Variants in MYT1L observed in about 807,000 individuals in gnomAD.
MYT1L encodes myelin transcription factor 1-like protein.
MYT1L carries 12 observed loss-of-function variants against 126.7 expected under a neutral mutation model. That is an observed-to-expected ratio of 0.09 (90% confidence interval 0.06 to 0.15). The LOEUF is 0.15. Ranked by LOEUF, MYT1L falls within the 10% of genes least tolerant of loss-of-function variation. The pLI, the probability that MYT1L is intolerant of heterozygous loss-of-function variation, is 1.00. For missense variants in MYT1L, 979 were observed against 1,585.2 expected, an observed-to-expected ratio of 0.62 and a Z score of 6.49; for synonymous variants, 541 against 604.2, an observed-to-expected ratio of 0.90 and a Z score of 1.53.
intron 2 of MYT1L, among the ~76,000 whole-genome samples, chr2:2,259,543 A>G (rs2094908191): frequency 6.6e-6 from 1 of 152,214 alleles, no homozygotes; most frequent in Non-Finnish European, 1.5e-5. Context: ...TTTGTCAATT[A>G]TATTTTAAAA....
intron 2 of MYT1L, among the ~76,000 whole-genome samples, chr2:2,176,148 G>A (rs2090743603): frequency 6.6e-6 from 1 of 151,896 alleles, no homozygotes; most frequent in Non-Finnish European, 1.5e-5. Context: ...GTTTTTCAGA[G>A]AAAAGAAAGA....
chr2:2,087,553 T>C (rs1244643710), intron 3 of MYT1L, among the ~76,000 whole-genome samples: 2 of 152,178 alleles, frequency 1.3e-5, no homozygotes, highest in Non-Finnish European at 2.9e-5. Context: ...AACAGAAACA[T>C]CTCATACAGC....
chr2:2,026,813 G>C (rs888608343), intron 4 of MYT1L, among the ~76,000 whole-genome samples: 7 of 152,076 alleles, frequency 4.6e-5, no homozygotes, highest in African/African-American at 1.7e-4. Context: ...GCATAGCCTT[G>C]TGCGGGGCCC....
At chr2:1,853,961 T>G (rs976078568) in intron 18 of MYT1L, among the ~76,000 whole-genome samples, 10 of 152,240 alleles carry the variant, frequency 6.6e-5, no homozygotes, top group Non-Finnish European at 1.5e-4. Context: ...ATAGGTGTTT[T>G]AACCAGCACC....
intron 2 of MYT1L, among the ~76,000 whole-genome samples, chr2:2,262,815 A>G (rs2095010126): frequency 6.7e-6 from 1 of 149,266 alleles, no homozygotes; most frequent in South Asian, 2.1e-4. Context: ...AAATAAAGAC[A>G]TGTGTTTCAA....
intron 3 of MYT1L, among the ~76,000 whole-genome samples, chr2:2,067,133 TA>T (rs1408471158): frequency 1.3e-5 from 2 of 152,084 alleles, no homozygotes; most frequent in African/African-American, 2.4e-5. Context: ...CCAACATTTG[TA>T]AAAAGGAGAA....
intron 2 of MYT1L, among the ~76,000 whole-genome samples, chr2:2,173,951 GA>G (rs1425028852): frequency 6.6e-6 from 1 of 152,154 alleles, no homozygotes; most frequent in Non-Finnish European, 1.5e-5. Context: ...AGTGGAACTT[GA>G]AATAAGATAA....
At chr2:2,187,996 T>C in intron 2 of MYT1L, among the ~76,000 whole-genome samples, 1 of 152,188 alleles carries the variant, frequency 6.6e-6, no homozygotes, top group East Asian at 1.9e-4. Flanking sequence ...CTGTCTACCT[T>C]AAAATAACAA....
intron 5 of MYT1L, among the ~76,000 whole-genome samples, chr2:1,989,818 G>A (rs1360703313): frequency 6.6e-6 from 1 of 152,040 alleles, no homozygotes; most frequent in Non-Finnish European, 1.5e-5. Context: ...CTAACATGGT[G>A]AAAACCCCGT....
chr2:1,962,978 G>A (rs2059079092), intron 8 of MYT1L, among the ~76,000 whole-genome samples: 1 of 152,198 alleles, frequency 6.6e-6, no homozygotes, highest in Non-Finnish European at 1.5e-5. Context: ...CAACTGGAAT[G>A]GTGAATCCTT....
At chr2:1,899,735 G>A (rs779062560) in intron 14 of MYT1L, among the ~76,000 whole-genome samples, 1 of 152,204 alleles carries the variant, frequency 6.6e-6, no homozygotes, top group African/African-American at 2.4e-5. Context: ...TAAAGCACAC[G>A]CTAATCCTGC....
intron 2 of MYT1L, among the ~76,000 whole-genome samples, chr2:2,272,561 A>G (rs548065843): frequency 6.6e-6 from 1 of 152,234 alleles, no homozygotes; most frequent in East Asian, 1.9e-4. Flanking sequence ...CATGTTAGTG[A>G]GTTCCGACAG....
chr2:1,884,711 C>A (rs2047958645), intron 18 of MYT1L, among the ~76,000 whole-genome samples: 1 of 152,190 alleles, frequency 6.6e-6, no homozygotes, highest in Non-Finnish European at 1.5e-5. Flanking sequence ...TAGGTTTAGA[C>A]ACATGTGTGG....
At chr2:2,227,503 A>G (rs1170354705) in intron 2 of MYT1L, among the ~76,000 whole-genome samples, 2 of 152,154 alleles carry the variant, frequency 1.3e-5, no homozygotes, top group Non-Finnish European at 2.9e-5. Context: ...GCCCAGGATG[A>G]GGCTTCCAGG....
At chr2:2,183,771 G>C (rs551838502) in intron 2 of MYT1L, among the ~76,000 whole-genome samples, 1 of 148,178 alleles carries the variant, frequency 6.7e-6, no homozygotes, top group Non-Finnish European at 1.5e-5. Flanking sequence ...AGGAGGGAGA[G>C]GAAGGAAGGA....
At chr2:2,272,860 G>A (rs752262480) in intron 2 of MYT1L, among the ~76,000 whole-genome samples, 6 of 152,258 alleles carry the variant, frequency 3.9e-5, no homozygotes, top group Admixed American at 3.9e-4. Flanking sequence ...AACTGGGTCA[G>A]GAAATCCTGC....
rs1043133579 is a variant in MYT1L at position 1,792,447 on chromosome 2, G to A, written c.3294C>T (p.Ser1098=). The A allele has an allele frequency of 6.2e-7, 1 of 1,613,552 alleles. No individual in the cohort carries two copies. The highest frequency in any genetic ancestry group is 1.7e-5 in the Admixed American group (1 of 59,972). The stretch of plus-strand genomic sequence containing the variant: ...TCTCCTCTTCGATGGTCTTCAGGTT[G>A]CTCTCCATCGTGGTAATCTGAAACG... The part of the protein sequence containing the change: ...KLRTQITTME[S]NLKTIEEENK... Residue 1098 remains serine (S), a synonymous_variant, in exon 24 of 25, where the codon AGC becomes AGT. Coordinates refer to ENST00000647738, the MANE Select transcript of MYT1L (RefSeq NM_001303052.2).
At chr2:2,044,281 G>A (rs947770342) in intron 4 of MYT1L, among the ~76,000 whole-genome samples, 1 of 152,138 alleles carries the variant, frequency 6.6e-6, no homozygotes, top group African/African-American at 2.4e-5. Context: ...AAGTCTTTCT[G>A]TCACGATACA....
intron 2 of MYT1L, among the ~76,000 whole-genome samples, chr2:2,273,479 T>A (rs891871693): frequency 3.9e-5 from 6 of 152,184 alleles, no homozygotes; most frequent in African/African-American, 1.4e-4. Flanking sequence ...AAGATTTAAA[T>A]GTTCTACCTC....
Sources: gnomAD v4.1 joint callset for allele counts (sites outside exome capture counted in the v4.1 genomes callset) on GRCh38, gnomAD v4.1.1 for gene constraint, MANE v1.5 for transcripts, NCBI Gene and HGNC (gene_info 2026-07-23, HGNC 2026-07-21) for gene names.